The following CHAF1A variants were observed in gnomAD, a reference collection of about 807,000 sequenced individuals.
CHAF1A encodes the protein CAF-1 subunit A.
A neutral mutation model predicts 93.2 loss-of-function variants in CHAF1A; 5 were observed. That is an observed-to-expected ratio of 0.05 (90% CI 0.03 to 0.11). CHAF1A has a LOEUF of 0.11. Among genes scored for constraint, CHAF1A ranks in the 10% least tolerant of loss-of-function variants. CHAF1A has a pLI of 1.00. For synonymous variants in CHAF1A, 504 were observed against 510.3 expected, an observed-to-expected ratio of 0.99 and a Z score of 0.17; for missense variants, 1,102 against 1,259.9, an observed-to-expected ratio of 0.87 and a Z score of 1.90.
chr19:4,438,032 C>T (rs924255032), intron 13 of CHAF1A, among the ~76,000 whole-genome samples: 12 of 152,144 alleles, frequency 7.9e-5, no homozygotes, highest in African/African-American at 2.9e-4. Context: ...TGAGACACCA[C>T]GCCCGGCATC....
downstream of CHAF1A, chr19:4,448,796 C>T: frequency 8.1e-6 from 2 of 247,288 alleles, no homozygotes. Flanking sequence ...ATGGACGCCC[C>T]ATCCCTCCTG....
chr19:4,436,142 A>C (rs243373), intron 13 of CHAF1A, among the ~76,000 whole-genome samples: 57,143 of 149,684 alleles, frequency 0.38, 11,395 homozygotes, highest in East Asian at 0.6. Flanking sequence ...CTAGTCCCCC[A>C]AAAAAAAAAG....
intron 13 of CHAF1A, among the ~76,000 whole-genome samples, chr19:4,435,216 G>A (rs1272616796): frequency 4.1e-5 from 6 of 145,338 alleles, no homozygotes; most frequent in Admixed American, 7.0e-5. Context: ...TCAGCCTCCC[G>A]AGTAGCTGGG....
At chr19:4,406,754 A>G (rs1300913027) in intron 2 of CHAF1A, among the ~76,000 whole-genome samples, 2 of 152,066 alleles carry the variant, frequency 1.3e-5, no homozygotes, top group African/African-American at 2.4e-5. Context: ...TTTAGAAACT[A>G]CAGTTTTGGG....
In CHAF1A at chr19:4,432,107, G is replaced by A. The variant is rs564446051; in HGVS notation, c.2103G>A (p.Leu701=). 12 of 1,614,006 alleles carry A rather than the reference G, an allele frequency of 7.4e-6. No individual in the cohort carries two copies. The highest frequency in any genetic ancestry group is 9.3e-6 in the Non-Finnish European group (11 of 1,180,020). The change falls in exon 12 of 15, where the codon CTG becomes CTA. Residue 701 remains leucine (L), a synonymous_variant. Transcript: ENST00000301280. ...ACAGAGACTGCGCAGGCGATGACCT[G>A]AAGGTACTGCAGCAGTTCGCAGCCT... ...AADRDCAGDD[L]KVLQQFAACF...
chr19:4,445,517 G>C (rs761284406), downstream of CHAF1A: 26 of 1,613,824 alleles, frequency 1.6e-5, no homozygotes, highest in Admixed American at 1.8e-4. Context: ...CTTCTCGATG[G>C]CTGACAGGAG....
In CHAF1A at chr19:4,442,242, C is replaced by T. The variant is rs371416897; in HGVS notation, c.2674-3C>T. On this transcript the variant is annotated splice_region_variant and splice_polypyrimidine_tract_variant and intron_variant, in intron 13 of 14. Coordinates refer to ENST00000301280, the MANE Select transcript of CHAF1A (RefSeq NM_005483.3). ...CTGATGGCCGTGTACCCTGTCTGTCCAGATTGGTGCTGAAGACATGGACGG... is the reference window on the plus strand; with the variant it reads ...CTGATGGCCGTGTACCCTGTCTGTCTAGATTGGTGCTGAAGACATGGACGG... 20 of 1,613,762 alleles carry T rather than the reference C, an allele frequency of 1.2e-5. No individual in the cohort carries two copies. The highest frequency in any genetic ancestry group is 3.3e-4 in the Middle Eastern group (2 of 6,054).
chr19:4,421,009 GC>G (rs1366232995), intron 4 of CHAF1A, among the ~76,000 whole-genome samples: 1 of 152,202 alleles, frequency 6.6e-6, no homozygotes, highest in Non-Finnish European at 1.5e-5. Context: ...GTTGCAGTGA[GC>G]CAAGATAGCA....
intron 7 of CHAF1A, among the ~76,000 whole-genome samples, chr19:4,426,515 C>T (rs1974084379): frequency 6.6e-6 from 1 of 150,820 alleles, no homozygotes; most frequent in Non-Finnish European, 1.5e-5. Flanking sequence ...TCGCTCATTG[C>T]CCAGGCTGGA....
At chr19:4,446,806 T>C (rs374415048), downstream of CHAF1A, 23 of 1,613,700 alleles carry the variant, frequency 1.4e-5, no homozygotes, top group African/African-American at 2.7e-5. Flanking sequence ...TCGTCCCCAT[T>C]CCCTACTCAG....
intron 3 of CHAF1A, 123 bp from the exon 4 acceptor site, chr19:4,417,897 T>C (rs565129049): frequency 3.2e-6 from 2 of 619,714 alleles, no homozygotes; most frequent in South Asian, 4.1e-5. Context: ...TTACTGGAGT[T>C]TGTGACCCTA....
At chr19:4,436,959 A>G (rs1974295108) in intron 13 of CHAF1A, among the ~76,000 whole-genome samples, 1 of 152,200 alleles carries the variant, frequency 6.6e-6, no homozygotes, top group Admixed American at 6.5e-5. Flanking sequence ...ACCACAAGGA[A>G]AGAAGGGTGC....
chr19:4,428,980 G>GC, intron 8 of CHAF1A, 90 bp downstream of exon 8: 1 of 1,069,818 alleles, frequency 9.3e-7, no homozygotes. Context: ...GGAGCTCTGG[G>GC]TCCTTCTGTT....
chr19:4,447,714 G>A, downstream of CHAF1A: 1 of 1,312,180 alleles, frequency 7.6e-7, no homozygotes, highest in Non-Finnish European at 1.1e-6. Context: ...CAGCAGCTCA[G>A]CCACACTTGG....
intron 2 of CHAF1A, among the ~76,000 whole-genome samples, chr19:4,406,498 G>A (rs1973683570): frequency 6.7e-6 from 1 of 149,810 alleles, no homozygotes; most frequent in Admixed American, 6.7e-5. Flanking sequence ...GCAGTGGTGC[G>A]ATCTCTGCTC....
chr19:4,427,724 A>G (rs1282217768), intron 7 of CHAF1A, among the ~76,000 whole-genome samples: 1 of 152,214 alleles, frequency 6.6e-6, no homozygotes, highest in East Asian at 1.9e-4. Context: ...AGTAGCTGGG[A>G]CTACAGGTGC....
At chr19:4,440,918 G>A (rs1974375248) in intron 13 of CHAF1A, among the ~76,000 whole-genome samples, 1 of 151,658 alleles carries the variant, frequency 6.6e-6, no homozygotes, top group Non-Finnish European at 1.5e-5. Flanking sequence ...AGGAGTTCGA[G>A]ACCAGCCTGG....
chr19:4,441,863 A>C (rs978381581), intron 13 of CHAF1A, among the ~76,000 whole-genome samples: 8 of 152,336 alleles, frequency 5.3e-5, no homozygotes, highest in Middle Eastern at 3.4e-3. Context: ...GCGCCACTGC[A>C]CTCCAGCCTG....
intron 7 of CHAF1A, among the ~76,000 whole-genome samples, chr19:4,427,136 C>CTTTTTTTTTTT (rs747750687): frequency 0.01 from 325 of 31,948 alleles, 75 homozygotes; most frequent in East Asian, 0.029. Flanking sequence ...AAGACCCTGT[C>CTTTTTTTTTTT]TTTTTTTTTT....
Sources: gnomAD v4.1 joint callset for allele counts (sites outside exome capture counted in the v4.1 genomes callset) on GRCh38, gnomAD v4.1.1 for gene constraint, MANE v1.5 for transcripts, NCBI Gene and HGNC (gene_info 2026-07-23, HGNC 2026-07-21) for gene names.